ANXA5: variants seen among roughly 807,000 people sequenced by gnomAD.
ANXA5 encodes CBP-I.
A neutral mutation model predicts 48.1 loss-of-function variants in ANXA5; 40 were observed. The ratio of observed to expected loss-of-function variants is 0.83; its 90% confidence interval spans 0.65 to 1.08. ANXA5 has a LOEUF of 1.08. Among genes scored for constraint, ANXA5 ranks in the 50% least tolerant of loss-of-function variants. The pLI, the probability that ANXA5 is intolerant of heterozygous loss-of-function variation, is 0.00. For synonymous variants in ANXA5, 113 were observed against 129.1 expected, an observed-to-expected ratio of 0.88 and a Z score of 0.85; for missense variants, 357 against 376.8, an observed-to-expected ratio of 0.95 and a Z score of 0.44.
Position 121,681,681 on chromosome 4 carries a change from A to G in ANXA5, c.384T>C (p.Val128=). Residue 128 remains valine (V), a synonymous_variant, in exon 6 of 13, where the codon GTT becomes GTC. Coordinates refer to ENST00000296511, the MANE Select transcript of ANXA5 (RefSeq NM_001154.4). ...TPEELRAIKQ[V]YEEEYGSSLE... ...CTCACAAACATTTACCTTCTTCATA[A>G]ACTTGTTTGATGGCTCTCAGTTCTT... 6.2e-7 allele frequency: 1 copy of G among 1,609,628 alleles called. No homozygotes were observed. The highest frequency in any genetic ancestry group is 8.5e-7 in the Non-Finnish European group (1 of 1,176,830).
At chr4:121,694,458 C>A (rs1382993128) in intron 2 of ANXA5, among the ~76,000 whole-genome samples, 2 of 152,066 alleles carry the variant, frequency 1.3e-5, no homozygotes, top group Non-Finnish European at 1.5e-5. Context: ...GATCTCAGCT[C>A]ACTGCAACCT....
At chr4:121,671,090 A>T (rs1191602576) in intron 10 of ANXA5, among the ~76,000 whole-genome samples, 1 of 152,230 alleles carries the variant, frequency 6.6e-6, no homozygotes, top group Non-Finnish European at 1.5e-5. Flanking sequence ...AAATTATTTA[A>T]TTTGAAAACA....
chr4:121,687,593 C>T (rs1317737566), intron 2 of ANXA5, among the ~76,000 whole-genome samples: 2 of 152,190 alleles, frequency 1.3e-5, no homozygotes, highest in African/African-American at 2.4e-5. Flanking sequence ...CCATCTTAGC[C>T]TCCAATTGTT....
chr4:121,679,116 G>A (rs904022757), intron 6 of ANXA5, among the ~76,000 whole-genome samples: 1 of 151,802 alleles, frequency 6.6e-6, no homozygotes, highest in African/African-American at 2.4e-5. Context: ...AAGGAAAGGA[G>A]GCCTTACTCT....
At chr4:121,691,551 T>G (rs1724985661) in intron 2 of ANXA5, among the ~76,000 whole-genome samples, 1 of 151,276 alleles carries the variant, frequency 6.6e-6, no homozygotes, top group Non-Finnish European at 1.5e-5. Context: ...TCCCCCCACC[T>G]CCAGCATTCC....
chr4:121,695,468 CTG>C (rs1419976418), intron 2 of ANXA5, among the ~76,000 whole-genome samples: 4 of 152,112 alleles, frequency 2.6e-5, no homozygotes, highest in Non-Finnish European at 5.9e-5. Context: ...AAAAAACTAT[CTG>C]GACTCTGACA....
intron 2 of ANXA5, among the ~76,000 whole-genome samples, chr4:121,696,043 T>C (rs1725074380): frequency 6.6e-6 from 1 of 151,954 alleles, no homozygotes; most frequent in South Asian, 2.1e-4. Context: ...TTTAATCTTT[T>C]GGATTAAAAA....
At chr4:121,689,117 A>G (rs953248835) in intron 2 of ANXA5, among the ~76,000 whole-genome samples, 1 of 152,262 alleles carries the variant, frequency 6.6e-6, no homozygotes, top group Non-Finnish European at 1.5e-5. Context: ...AGAGAAATTG[A>G]TAAGATTTGA....
In ANXA5 at chr4:121,672,526, C is replaced by G; in HGVS notation, c.625+7G>C. Reference sequence around the variant, plus strand: ...GTATCTGCCCCATACAGATTTTTTTCACTCACCCTTTCTCAAATGAGACAC... The same window carrying G: ...GTATCTGCCCCATACAGATTTTTTTGACTCACCCTTTCTCAAATGAGACAC... On this transcript the variant is annotated splice_region_variant and intron_variant, in intron 9 of 12. Coordinates refer to ENST00000296511, the MANE Select transcript of ANXA5 (RefSeq NM_001154.4). 1 of 1,609,640 alleles carries G rather than the reference C, an allele frequency of 6.2e-7. No homozygotes were observed. The highest frequency in any genetic ancestry group is 8.5e-7 in the Non-Finnish European group (1 of 1,176,930).
chr4:121,682,079 T>A (rs1482532704), intron 5 of ANXA5, among the ~76,000 whole-genome samples: 3 of 152,116 alleles, frequency 2.0e-5, no homozygotes, highest in Non-Finnish European at 4.4e-5. Context: ...AGCTTAAAAG[T>A]AAAACATTTT....
At chr4:121,680,174 C>T (rs1335704277) in intron 6 of ANXA5, among the ~76,000 whole-genome samples, 4 of 152,136 alleles carry the variant, frequency 2.6e-5, no homozygotes, top group Non-Finnish European at 1.5e-5. Flanking sequence ...TAGCTTATTT[C>T]ACTTTGCATT....
At chr4:121,686,868 G>A (rs1724900286) in intron 2 of ANXA5, among the ~76,000 whole-genome samples, 1 of 152,160 alleles carries the variant, frequency 6.6e-6, no homozygotes, top group Admixed American at 6.5e-5. Context: ...GATCGTTCAC[G>A]TGCCAGAGGA....
intron 2 of ANXA5, among the ~76,000 whole-genome samples, chr4:121,694,395 C>CT (rs1293735072): frequency 1.3e-5 from 2 of 151,386 alleles, no homozygotes; most frequent in Non-Finnish European, 3.0e-5. Context: ...TAATACTAAA[C>CT]TTTTTTTTTG....
At chr4:121,694,129 A>G (rs1252635985) in intron 2 of ANXA5, among the ~76,000 whole-genome samples, 2 of 150,634 alleles carry the variant, frequency 1.3e-5, no homozygotes, top group Non-Finnish European at 3.0e-5. Flanking sequence ...GGATAGCATT[A>G]GGAGATACAG....
At chr4:121,685,071 T>TACAC (rs56278871) in intron 3 of ANXA5, among the ~76,000 whole-genome samples, 1 of 146,532 alleles carries the variant, frequency 6.8e-6, no homozygotes, top group African/African-American at 2.6e-5. Flanking sequence ...CATATATATA[T>TACAC]ACACACACAC....
At chr4:121,677,228 G>A (rs1333668730) in intron 8 of ANXA5, among the ~76,000 whole-genome samples, 2 of 152,122 alleles carry the variant, frequency 1.3e-5, no homozygotes, top group African/African-American at 4.8e-5. Flanking sequence ...ACCAGAAAGA[G>A]GTCTATGATT....
intron 9 of ANXA5, among the ~76,000 whole-genome samples, chr4:121,672,256 C>T (rs566371055): frequency 7.3e-4 from 111 of 152,314 alleles, no homozygotes; most frequent in African/African-American, 2.6e-3. Flanking sequence ...TAGTGAGCCA[C>T]TATTCAGTGA....
At chr4:121,684,867 C>A (rs1724854661) in intron 3 of ANXA5, 96 bp from the exon 4 acceptor site, 1 of 899,774 alleles carries the variant, frequency 1.1e-6, no homozygotes, top group African/African-American at 1.7e-5. Flanking sequence ...ATTTCCTTGC[C>A]TCTCCCTATG....
Position 121,668,228 on chromosome 4 carries a change from C to G in ANXA5, c.*240G>C, listed in dbSNP as rs1804120. ...AAAATATATATAAATGGAAAATGGC[C>G]AGGCATTAAACTTAGTAACATTAAG... On this transcript the variant is annotated 3_prime_UTR_variant, in exon 13 of 13. Coordinates refer to ENST00000296511, the MANE Select transcript of ANXA5 (RefSeq NM_001154.4). 5.7e-6 allele frequency: 2 copies of G among 351,042 alleles called. No homozygotes were observed. The highest frequency in any genetic ancestry group is 1.0e-5 in the Non-Finnish European group (2 of 195,414). The allele number at this position is 351,042 out of a possible 1,614,324, so 21.7% of individuals were successfully genotyped here. A position where few individuals can be genotyped will look rare whatever the true frequency, so the allele number is the denominator to read the frequency against.
Sources: gnomAD v4.1 joint callset for allele counts (sites outside exome capture counted in the v4.1 genomes callset) on GRCh38, gnomAD v4.1.1 for gene constraint, MANE v1.5 for transcripts, NCBI Gene and HGNC (gene_info 2026-07-23, HGNC 2026-07-21) for gene names.